TRMT1L: variants seen among roughly 807,000 people sequenced by gnomAD.
TRMT1L encodes the protein tRNA methyltransferase 1L, also known as tRNA (guanine(27)-N(2))-dimethyltransferase.
In TRMT1L, 28 loss-of-function variants were observed where a neutral mutation model predicts 81.6. The observed-to-expected ratio is 0.34, with a 90% CI of 0.25 to 0.47. TRMT1L has a LOEUF of 0.47. Ranked by LOEUF, TRMT1L falls within the 20% of genes least tolerant of loss-of-function variation. The pLI is 1.00. For synonymous variants in TRMT1L, 301 were observed against 303.2 expected (o/e 0.99, Z 0.07); for missense variants, 739 against 877.1 (o/e 0.84, Z 1.99).
Position 185,137,570 on chromosome 1 carries a change from G to T in TRMT1L, c.1513+36C>A, listed in dbSNP as rs1488676342. 1.9e-6 allele frequency: 3 copies of T among 1,579,032 alleles called. No homozygotes were observed. The African/African-American group carries it at 4.0e-5, about 21-fold the overall frequency. Reference sequence around the variant, plus strand: ...TGTGATAAAGGCTTATTCAGTGGAGGATTATAGATAAACATAATATATAAC... The same window carrying T: ...TGTGATAAAGGCTTATTCAGTGGAGTATTATAGATAAACATAATATATAAC... On this transcript the variant is annotated intron_variant, in intron 10 of 14. Transcript: ENST00000367506.
chr1:185,137,584 A>G, intron 10 of TRMT1L, 22 bp downstream of exon 10: 1 of 1,603,850 alleles, frequency 6.2e-7, no homozygotes, highest in Non-Finnish European at 8.5e-7. Flanking sequence ...ATAGATAAAC[A>G]TAATATATAA....
intron 7 of TRMT1L, 109 bp downstream of exon 7, chr1:185,143,248 G>T: frequency 2.1e-6 from 2 of 949,748 alleles, no homozygotes; most frequent in Non-Finnish European, 3.1e-6. Context: ...TAAAAATTTT[G>T]CCTTGGATCT....
rs752124518 is a variant in TRMT1L at position 185,128,759 on chromosome 1, T to C, written c.1514-12A>G. Reference sequence around the variant, plus strand: ...TCTATATGGGTTTTCTGTAAAAAGATAATAAAAGGAGAAATCAAAGGAGAA... The same window carrying C: ...TCTATATGGGTTTTCTGTAAAAAGACAATAAAAGGAGAAATCAAAGGAGAA... On this transcript the variant is annotated splice_polypyrimidine_tract_variant and intron_variant, in intron 10 of 14. Transcript: ENST00000367506. 3.1e-6 allele frequency: 5 copies of C among 1,592,840 alleles called. No homozygotes were observed. The highest frequency in any genetic ancestry group is 1.8e-5 in the Admixed American group (1 of 54,376).
At chr1:185,150,862 G>A (rs1653325543) in intron 2 of TRMT1L, among the ~76,000 whole-genome samples, 1 of 152,134 alleles carries the variant, frequency 6.6e-6, no homozygotes, top group South Asian at 2.1e-4. Flanking sequence ...AAAAGGACAG[G>A]GATTGGACAA....
intron 10 of TRMT1L, among the ~76,000 whole-genome samples, chr1:185,131,695 A>T (rs993122222): frequency 6.6e-6 from 1 of 152,202 alleles, no homozygotes; most frequent in Non-Finnish European, 1.5e-5. Flanking sequence ...TTAAGGAAAA[A>T]GTATAAAGTA....
rs1166994865 is a variant in TRMT1L, at chr1:185,150,448, C to G, written c.391G>C (p.Ala131Pro). ...CGACGAAGCTTATGGCTATTACAAGCTCTGAATTTTTCCTTAGGGCACAAT... is the reference window on the plus strand; with the variant it reads ...CGACGAAGCTTATGGCTATTACAAGGTCTGAATTTTTCCTTAGGGCACAAT... ...CPLCPKEKFR[A>P]CNSHKLRRHL... Residue 131 changes from alanine to proline, a missense_variant, in exon 3 of 15, where the codon GCT (alanine) becomes CCT (proline). This residue lies in a region of TRMT1L where 209 missense variants were observed against 165.4 expected (regional missense o/e 1.26). Transcript: ENST00000367506. The G allele has an allele frequency of 6.2e-7, 1 of 1,613,670 alleles. No individual in the cohort carries two copies. Among genetic ancestry groups the G allele is most frequent in the Non-Finnish European group, 8.5e-7 (1 of 1,179,858 alleles).
At chr1:185,123,824 T>G in intron 13 of TRMT1L, 33 bp downstream of exon 13, 1 of 1,343,720 alleles carries the variant, frequency 7.4e-7, no homozygotes, top group Non-Finnish European at 1.0e-6. Flanking sequence ...TGACCTGATA[T>G]GTACATATGT....
At chr1:185,152,616 A>T (rs1277580335) in intron 1 of TRMT1L, among the ~76,000 whole-genome samples, 2 of 152,198 alleles carry the variant, frequency 1.3e-5, no homozygotes, top group Non-Finnish European at 2.9e-5. Flanking sequence ...AATACCAAAG[A>T]TCAGTAACAG....
intron 13 of TRMT1L, 136 bp from the exon 14 acceptor site, chr1:185,120,645 T>TA: frequency 1.2e-6 from 1 of 802,192 alleles, no homozygotes; most frequent in East Asian, 3.5e-5. Flanking sequence ...TCTTATAATT[T>TA]ATTCTATTTT....
At chr1:185,156,441 C>A in intron 1 of TRMT1L, 37 bp downstream of exon 1, 1 of 1,613,668 alleles carries the variant, frequency 6.2e-7, no homozygotes, top group Non-Finnish European at 8.5e-7. Flanking sequence ...CACTTTCTCT[C>A]TTCTGCAGCA....
intron 4 of TRMT1L, 90 bp downstream of exon 4, chr1:185,147,092 C>G: frequency 1.2e-6 from 1 of 822,576 alleles, no homozygotes; most frequent in South Asian, 1.6e-5. Flanking sequence ...CACTGCTGAA[C>G]ATACACATTT....
In TRMT1L at chr1:185,128,736, T is replaced by C. The variant is rs376356749; in HGVS notation, c.1525A>G (p.Arg509Gly). The C allele has an allele frequency of 6.9e-6, 11 of 1,603,284 alleles. No homozygotes were observed. The highest frequency in any genetic ancestry group is 1.3e-5 in the African/African-American group (1 of 74,186). The change falls in exon 11 of 15, where the codon AGA becomes GGA. Residue 509 changes from arginine to glycine, a missense_variant. Transcript: ENST00000367506. ...CCATGACAGTTACAAGGCAGCTGTC[T>C]ATATGGGTTTTCTGTAAAAAGATAA... ...DGNMVEENPY[R>G]QLPCNCHGSM...
In TRMT1L at chr1:185,118,429, T is replaced by C. The variant is rs1652415025; in HGVS notation, c.*1590A>G. ...ACTCATCACTGATCAACATATTTCA[T>C]GCTGATAAGCATTTAGCAAAATTTG... On this transcript the variant is annotated 3_prime_UTR_variant, in exon 15 of 15. Coordinates refer to ENST00000367506, the MANE Select transcript of TRMT1L (RefSeq NM_030934.5). The C allele has an allele frequency of 6.6e-6, 1 of 152,218 alleles. No individual in the cohort carries two copies. The highest frequency in any genetic ancestry group is 1.5e-5 in the Non-Finnish European group (1 of 68,016). 9.4% of individuals were successfully genotyped at this position (152,218 alleles called of 1,614,324 possible). A position where few individuals can be genotyped will look rare whatever the true frequency, so the allele number is the denominator to read the frequency against.
intron 1 of TRMT1L, among the ~76,000 whole-genome samples, 172 bp from the exon 2 acceptor site, chr1:185,152,107 T>C (rs1006839692): frequency 1.3e-5 from 2 of 152,354 alleles, no homozygotes; most frequent in East Asian, 1.9e-4. Context: ...GAATGAAAAG[T>C]TGGGGGGAGA....
intron 11 of TRMT1L, among the ~76,000 whole-genome samples, chr1:185,125,524 G>A (rs923352088): frequency 2.0e-5 from 3 of 152,092 alleles, no homozygotes; most frequent in African/African-American, 7.2e-5. Context: ...CTCTAAACTA[G>A]TAGCATTAGT....
intron 7 of TRMT1L, 150 bp from the exon 8 acceptor site, chr1:185,140,372 CAAG>C (rs1653005871): frequency 8.6e-6 from 6 of 696,490 alleles, no homozygotes; most frequent in Non-Finnish European, 1.4e-5. Context: ...CAAAGCTTCT[CAAG>C]AAAGGTTATA....
chr1:185,144,725 G>A (rs572628067), intron 5 of TRMT1L, among the ~76,000 whole-genome samples: 1 of 146,602 alleles, frequency 6.8e-6, no homozygotes, highest in South Asian at 2.1e-4. Flanking sequence ...CAGTCGGAAT[G>A]TTAACTAAAT....
At position 185,119,911 on chromosome 1, in the gene TRMT1L, T is replaced by G. The variant is rs1157540063; in HGVS notation, c.*108A>C. Reference sequence around the variant, plus strand: ...GTTTCTGAATGAAAATGACACTGTTTTTTATTTTTACTCTACTGAATTGAA... The same window carrying G: ...GTTTCTGAATGAAAATGACACTGTTGTTTATTTTTACTCTACTGAATTGAA... On this transcript the variant is annotated 3_prime_UTR_variant, in exon 15 of 15. Coordinates refer to ENST00000367506, the MANE Select transcript of TRMT1L (RefSeq NM_030934.5). 7.8e-6 allele frequency: 10 copies of G among 1,276,498 alleles called. No homozygotes were observed. The highest frequency in any genetic ancestry group is 9.4e-6 in the Non-Finnish European group (9 of 957,876). 79.1% of individuals were successfully genotyped at this position (1,276,498 alleles called of 1,614,324 possible).
Position 185,128,726 on chromosome 1 carries a change from G to A in TRMT1L, c.1535C>T (p.Pro512Leu), listed in dbSNP as rs1278084077. 2 of 1,608,296 alleles carry A rather than the reference G, an allele frequency of 1.2e-6. No individual in the cohort carries two copies. Among genetic ancestry groups the A allele is most frequent in the Non-Finnish European group, 1.7e-6 (2 of 1,178,488 alleles). The stretch of plus-strand genomic sequence containing the variant: ...AGGCATGCTTCCATGACAGTTACAA[G>A]GCAGCTGTCTATATGGGTTTTCTGT... ...MVEENPYRQL[P>L]CNCHGSMPGK... Residue 512 changes from proline (P) to leucine (L), a missense_variant, in exon 11 of 15, where the codon CCT becomes CTT. Around this residue, in one of 4 missense-constraint regions of TRMT1L, gnomAD observed 331 missense variants for 462.2 expected, o/e 0.72. Coordinates refer to ENST00000367506, the MANE Select transcript of TRMT1L (RefSeq NM_030934.5).
Sources: allele counts gnomAD v4.1 joint callset (sites outside exome capture counted in the v4.1 genomes callset), GRCh38; gene constraint gnomAD v4.1.1; regional missense constraint gnomAD v4.1.1; transcripts MANE v1.5; gene names NCBI Gene and HGNC (gene_info 2026-07-23, HGNC 2026-07-21).